The following PRPF3 variants were observed in gnomAD, a reference collection of about 807,000 sequenced individuals.
The protein encoded by PRPF3 is U4/U6 small nuclear ribonucleoprotein Prp3.
A neutral mutation model predicts 89.2 loss-of-function variants in PRPF3; 3 were observed. That is an observed-to-expected ratio of 0.03 (90% CI 0.02 to 0.09). The LOEUF is 0.09. Ranked by LOEUF, PRPF3 falls within the 10% of genes least tolerant of loss-of-function variation. The probability of loss-of-function intolerance (pLI) is 1.00; values close to 1 mark genes in which losing one functional copy is unlikely to be tolerated. For synonymous variants in PRPF3, 270 were observed against 289.1 expected, an observed-to-expected ratio of 0.93 and a Z score of 0.67; for missense variants, 463 against 828.8, an observed-to-expected ratio of 0.56 and a Z score of 5.42.
At chr1:150,347,295 TAC>T (rs1166292798) in intron 14 of PRPF3, among the ~76,000 whole-genome samples, 8 of 151,450 alleles carry the variant, frequency 5.3e-5, no homozygotes, top group Non-Finnish European at 1.0e-4. Context: ...CACACATACA[TAC>T]ACACATGTAC....
chr1:150,331,196 G>A (rs1260403), intron 4 of PRPF3, among the ~76,000 whole-genome samples: 62,162 of 150,674 alleles, frequency 0.41, 13,201 homozygotes, highest in East Asian at 0.7. Context: ...GCATCACCAT[G>A]TCCAGCTAAT....
At chr1:150,348,459 C>CTTTTTTTTTTTTTTTGTTTTTTTTT (rs1553873583) in intron 14 of PRPF3, among the ~76,000 whole-genome samples, 1 of 34,826 alleles carries the variant, frequency 2.9e-5, no homozygotes, top group African/African-American at 9.4e-5. Flanking sequence ...TCTACACGTG[C>CTTTTTTTTTTTTTTTGTTTTTTTTT]ATTTTTTTTT....
rs3737319 is a variant in PRPF3, at chr1:150,349,322, T to G, written c.1905+104T>G. On this transcript the variant is annotated intron_variant, in intron 15 of 15. Coordinates refer to ENST00000324862, the MANE Select transcript of PRPF3 (RefSeq NM_004698.4). ...TGTAAGATGTAATCAGTGAATAATG[T>G]TTTAAATAATTTATGTTTCTTTTTG... 0.024 allele frequency: 20,887 copies of G among 879,944 alleles called. 1,479 individuals are homozygous for G. The highest frequency in any genetic ancestry group is 0.14 in the Admixed American group (7,530 of 52,464). The allele number at this position is 879,944 out of a possible 1,614,324, so 54.5% of individuals were successfully genotyped here. A position where few individuals can be genotyped will look rare whatever the true frequency, so the allele number is the denominator to read the frequency against.
At chr1:150,347,855 T>G (rs1222038390) in intron 14 of PRPF3, among the ~76,000 whole-genome samples, 1 of 152,202 alleles carries the variant, frequency 6.6e-6, no homozygotes, top group African/African-American at 2.4e-5. Context: ...CAAAGCCTAT[T>G]TTTATCTCAT....
chr1:150,351,667 ATTTTTTT>A (rs10692607), intron 15 of PRPF3, among the ~76,000 whole-genome samples: 4 of 94,442 alleles, frequency 4.2e-5, no homozygotes, highest in South Asian at 3.8e-4. Context: ...TGCCTGGCTA[ATTTTTTT>A]TTTTTTTTTT....
At chr1:150,328,547 A>ATTTTT (rs34437719) in intron 4 of PRPF3, 81 bp downstream of exon 4, 30,947 of 560,834 alleles carry the variant, frequency 0.055, 267 homozygotes, top group South Asian at 0.09. Flanking sequence ...TTATTGTGGA[A>ATTTTT]TTTTTTTTTT....
rs1484475762 is a variant in PRPF3, at chr1:150,338,442, A to G, written c.1202+116A>G. 4 of 1,018,486 alleles carry G rather than the reference A, an allele frequency of 3.9e-6. No individual in the cohort carries two copies. In the African/African-American group the frequency reaches 6.5e-5, roughly 17 times the overall value. The allele number at this position is 1,018,486 out of a possible 1,614,324, so 63.1% of individuals were successfully genotyped here. On this transcript the variant is annotated intron_variant, in intron 8 of 15. Transcript: ENST00000324862. ...TTAGTGGGAAGGATGGTACTCATTCATTAATTAAAATTTTTAAATCCAAGA... is the reference window on the plus strand; with the variant it reads ...TTAGTGGGAAGGATGGTACTCATTCGTTAATTAAAATTTTTAAATCCAAGA...
intron 9 of PRPF3, among the ~76,000 whole-genome samples, 190 bp downstream of exon 9, chr1:150,340,667 G>T (rs1657596122): frequency 6.6e-6 from 1 of 151,980 alleles, no homozygotes; most frequent in African/African-American, 2.4e-5. Context: ...CATTTTAAGT[G>T]CATATTCCTG....
intron 1 of PRPF3, among the ~76,000 whole-genome samples, chr1:150,322,559 A>T (rs1323920702): frequency 6.6e-6 from 1 of 152,186 alleles, no homozygotes; most frequent in Non-Finnish European, 1.5e-5. Flanking sequence ...ATTGTGGGGT[A>T]ATAGAACCAC....
intron 3 of PRPF3, among the ~76,000 whole-genome samples, chr1:150,327,225 G>C (rs1655828681): frequency 6.6e-6 from 1 of 151,912 alleles, no homozygotes; most frequent in South Asian, 2.1e-4. Context: ...ATGCCACCAT[G>C]CCTGGCTAAT....
rs1300549646 is a variant in PRPF3, at chr1:150,352,841, C to T, written c.1914C>T (p.Ala638=). 6 of 1,613,928 alleles carry T rather than the reference C, an allele frequency of 3.7e-6. No homozygotes were observed. In the African/African-American group the frequency reaches 4.0e-5, roughly 11 times the overall value. Residue 638 remains alanine, a synonymous_variant, in exon 16 of 16, where the codon GCC becomes GCT. Transcript: ENST00000324862. ...ATATATCTCTTTTCTAGGGTACAGC[C>T]AAAGACCGGAGCTTTGGAGAGATGA... ...NKCVLVWEGT[A]KDRSFGEMKF...
intron 1 of PRPF3, among the ~76,000 whole-genome samples, chr1:150,322,530 G>C (rs1338941098): frequency 6.6e-6 from 1 of 152,162 alleles, no homozygotes; most frequent in Non-Finnish European, 1.5e-5. Context: ...GTAGAAATTG[G>C]TACGCTGTAT....
intron 7 of PRPF3, 53 bp from the exon 8 acceptor site, chr1:150,338,107 C>A: frequency 1.3e-6 from 2 of 1,533,112 alleles, no homozygotes; most frequent in South Asian, 1.2e-5. Flanking sequence ...TCTACACATT[C>A]TGTTTTCTAT....
At chr1:150,338,441 C>A in intron 8 of PRPF3, 115 bp downstream of exon 8, 23 of 992,480 alleles carry the variant, frequency 2.3e-5, no homozygotes, top group East Asian at 5.8e-5. Context: ...GGTACTCATT[C>A]ATTAATTAAA....
At chr1:150,331,098 C>T (rs782128370) in intron 4 of PRPF3, among the ~76,000 whole-genome samples, 4 of 152,048 alleles carry the variant, frequency 2.6e-5, no homozygotes, top group African/African-American at 4.8e-5. Flanking sequence ...AGTGCAATGC[C>T]GTGATCTCAG....
chr1:150,338,979 T>C (rs1182930168), intron 8 of PRPF3, among the ~76,000 whole-genome samples: 1 of 152,172 alleles, frequency 6.6e-6, no homozygotes, highest in Non-Finnish European at 1.5e-5. Context: ...CTTAATTACA[T>C]TCTTTTGCTA....
intron 7 of PRPF3, among the ~76,000 whole-genome samples, chr1:150,336,191 G>A (rs1172525021): frequency 6.6e-6 from 1 of 152,174 alleles, no homozygotes; most frequent in Non-Finnish European, 1.5e-5. Flanking sequence ...TGTGATGGGA[G>A]ACAGTGACAG....
intron 14 of PRPF3, among the ~76,000 whole-genome samples, chr1:150,347,750 T>C (rs1553873318): frequency 6.6e-6 from 1 of 151,786 alleles, no homozygotes; most frequent in Non-Finnish European, 1.5e-5. Context: ...ATGCATTTAA[T>C]ACATCTGACC....
rs370269496 is a variant in PRPF3 at position 150,326,894 on chromosome 1, T to C, written c.276+1013T>C. ...GAAGAGGCAGGGGTATCACAAAATA[T>C]ATATTCACGTATTATAAAATCTAAG... is the stretch of plus-strand genomic sequence containing the variant. On this transcript the variant is annotated intron_variant, in intron 3 of 15. Transcript: ENST00000324862. Among the ~76,000 whole-genome samples the C allele has an allele frequency of 9.9e-5, 15 of 152,194 alleles. No homozygotes were observed. The East Asian group carries it at 1.7e-3, about 18-fold the overall frequency.
Sources: allele counts gnomAD v4.1 joint callset (sites outside exome capture counted in the v4.1 genomes callset), GRCh38; gene constraint gnomAD v4.1.1; transcripts MANE v1.5; gene names NCBI Gene and HGNC (gene_info 2026-07-23, HGNC 2026-07-21).